Variants in KIF21A observed in about 807,000 individuals in gnomAD.
KIF21A encodes kinesin-like protein KIF21A.
KIF21A carries 114 observed loss-of-function variants against 202.9 expected under a neutral mutation model. That is an observed-to-expected ratio of 0.56 (90% CI 0.48 to 0.66). The LOEUF (loss-of-function observed/expected upper bound fraction) is 0.66, where lower values mean the gene tolerates loss of function less well. Among genes scored for constraint, KIF21A ranks in the 30% least tolerant of loss-of-function variants. KIF21A has a pLI of 0.00. For missense variants in KIF21A, 1,677 were observed against 1,994.9 expected, an observed-to-expected ratio of 0.84 and a Z score of 3.04; for synonymous variants, 667 against 670.8, an observed-to-expected ratio of 0.99 and a Z score of 0.09.
intron 24 of KIF21A, among the ~76,000 whole-genome samples, chr12:39,326,758 A>C (rs1945969552): frequency 1.3e-5 from 2 of 152,362 alleles, no homozygotes; most frequent in East Asian, 3.9e-4. Flanking sequence ...GTTATACTTT[A>C]TCAGTTATGC....
intron 1 of KIF21A, among the ~76,000 whole-genome samples, chr12:39,431,000 C>T (rs1466178206): frequency 6.6e-6 from 1 of 152,116 alleles, no homozygotes; most frequent in East Asian, 1.9e-4. Flanking sequence ...CTGTATAAGT[C>T]GTCCCTGTTG....
At position 39,367,321 on chromosome 12, in the gene KIF21A, G is replaced by T. The variant is rs1949669312; in HGVS notation, c.601-157C>A. The stretch of plus-strand genomic sequence containing the variant: ...TCAGTTACAGGCACTTTTTGAGATG[G>T]ACTTCTCAGTATAATAGTGTATTAT... On this transcript the variant is annotated intron_variant, in intron 4 of 37. Transcript: ENST00000361418. 6 of 727,282 alleles carry T rather than the reference G, an allele frequency of 8.2e-6. No homozygotes were observed. In the Admixed American group the frequency reaches 1.3e-4, roughly 16 times the overall value. 45.1% of individuals were successfully genotyped at this position (727,282 alleles called of 1,614,324 possible).
rs75643981 is a variant in KIF21A at position 39,423,132 on chromosome 12, A to G, written c.44+19795T>C. Among the ~76,000 whole-genome samples, 1,288 of 152,312 alleles carry G rather than the reference A, an allele frequency of 8.5e-3. 12 individuals are homozygous for G. The highest frequency in any genetic ancestry group is 0.021 in the African/African-American group (865 of 41,570). On this transcript the variant is annotated intron_variant, in intron 1 of 37. Transcript: ENST00000361418. Reference sequence around the variant, plus strand: ...AATGTATTAAAATGAACTATTTTTTATTAGAACACTCATCTATACCCTCAA... The same window carrying G: ...AATGTATTAAAATGAACTATTTTTTGTTAGAACACTCATCTATACCCTCAA...
chr12:39,375,321 G>A (rs1950204830), intron 1 of KIF21A, among the ~76,000 whole-genome samples: 1 of 152,116 alleles, frequency 6.6e-6, no homozygotes, highest in Non-Finnish European at 1.5e-5. Flanking sequence ...TTATACATTA[G>A]TTCTGTCACA....
intron 17 of KIF21A, 93 bp downstream of exon 17, chr12:39,337,003 A>C (rs1947034035): frequency 1.3e-6 from 1 of 765,964 alleles, no homozygotes; most frequent in Non-Finnish European, 2.3e-6. Flanking sequence ...TGCAATTAGT[A>C]GTTATGGTTA....
At chr12:39,340,845 G>C (rs1262014172) in intron 15 of KIF21A, 61 bp downstream of exon 15, 4 of 1,217,292 alleles carry the variant, frequency 3.3e-6, no homozygotes, top group Non-Finnish European at 4.8e-6. Flanking sequence ...TAAAGGAAAA[G>C]ATAAAAACCC....
intron 1 of KIF21A, among the ~76,000 whole-genome samples, chr12:39,388,030 G>A (rs1448846139): frequency 2.0e-5 from 3 of 152,202 alleles, no homozygotes; most frequent in South Asian, 2.1e-4. Context: ...CAGTTCTTTC[G>A]AAGAAAAGAG....
At chr12:39,390,174 A>C (rs1481991292) in intron 1 of KIF21A, among the ~76,000 whole-genome samples, 2 of 152,204 alleles carry the variant, frequency 1.3e-5, no homozygotes, top group African/African-American at 2.4e-5. Context: ...AAGACTATGG[A>C]AACTATTCAA....
chr12:39,301,827 G>C (rs1434470207), intron 36 of KIF21A, 148 bp from the exon 37 acceptor site: 1 of 707,868 alleles, frequency 1.4e-6, no homozygotes, highest in Non-Finnish European at 2.4e-6. Flanking sequence ...ATCACTCTTA[G>C]TGATTTAAAG....
intron 1 of KIF21A, among the ~76,000 whole-genome samples, chr12:39,429,818 G>C (rs139139450): frequency 4.5e-4 from 68 of 152,192 alleles, no homozygotes; most frequent in African/African-American, 1.6e-3. Context: ...CAGGTAGATG[G>C]AGAGGGAAAG....
intron 1 of KIF21A, among the ~76,000 whole-genome samples, chr12:39,383,709 G>A (rs961271659): frequency 6.6e-6 from 1 of 152,148 alleles, no homozygotes; most frequent in Non-Finnish European, 1.5e-5. Context: ...TGAAGTGAGA[G>A]GATCGCTTGA....
At chr12:39,349,895 CAAATTATATAGGTGTCAGTTTTACA>C (rs1170029821) in intron 11 of KIF21A, among the ~76,000 whole-genome samples, 2 of 151,886 alleles carry the variant, frequency 1.3e-5, no homozygotes, top group East Asian at 1.9e-4. Context: ...TTTAGATTCA[CAAATTATATAGGTGTCAGTTTTACA>C]AAATTATATA....
chr12:39,367,909 T>C lies in KIF21A; in HGVS notation c.574A>G (p.Thr192Ala). 4 of 1,609,800 alleles carry C rather than the reference T, an allele frequency of 2.5e-6. No individual in the cohort carries two copies. The highest frequency in any genetic ancestry group is 3.4e-6 in the Non-Finnish European group (4 of 1,176,396). Residue 192 changes from threonine (T) to alanine (A), a missense_variant, in exon 4 of 38, where the codon ACA (threonine) becomes GCA (alanine). Around this residue, in one of 3 missense-constraint regions of KIF21A, gnomAD observed 966 missense variants for 1,180.9 expected, o/e 0.82. Transcript: ENST00000361418. ...TGGIYTVGVT[T>A]RTVNTESEMM... ...TCTGATTCTGTATTCACAGTACGTG[T>C]TGTAACGCCCACAGTATAAATTCCT...
chr12:39,370,849 A>G (rs868393287), intron 1 of KIF21A, among the ~76,000 whole-genome samples: 1 of 152,030 alleles, frequency 6.6e-6, no homozygotes, highest in African/African-American at 2.4e-5. Context: ...ATGTCCTACT[A>G]TATTGATTTG....
At chr12:39,395,133 G>A (rs1238826353) in intron 1 of KIF21A, among the ~76,000 whole-genome samples, 4 of 151,918 alleles carry the variant, frequency 2.6e-5, no homozygotes, top group African/African-American at 7.3e-5. Flanking sequence ...CCATTTCCCC[G>A]TCCACTACCA....
chr12:39,341,750 T>C, intron 13 of KIF21A, 128 bp from the exon 14 acceptor site: 1 of 1,050,014 alleles, frequency 9.5e-7, no homozygotes, highest in Non-Finnish European at 1.4e-6. Context: ...AGTATAAAAA[T>C]GTTAAGGTTA....
intron 1 of KIF21A, among the ~76,000 whole-genome samples, chr12:39,398,220 T>C (rs538939542): frequency 2.0e-4 from 31 of 152,346 alleles, no homozygotes; most frequent in Admixed American, 1.5e-3. Flanking sequence ...GGCCATTGAA[T>C]CTTGGTTTCA....
At chr12:39,374,596 A>C (rs1950151647) in intron 1 of KIF21A, among the ~76,000 whole-genome samples, 1 of 152,186 alleles carries the variant, frequency 6.6e-6, no homozygotes, top group African/African-American at 2.4e-5. Context: ...AATATATCTT[A>C]TTCATTCCTA....
At chr12:39,408,665 T>C (rs767210126) in intron 1 of KIF21A, among the ~76,000 whole-genome samples, 2 of 152,092 alleles carry the variant, frequency 1.3e-5, no homozygotes, top group Non-Finnish European at 2.9e-5. Flanking sequence ...AACAGATCAA[T>C]AGAAAATATC....
Sources: allele counts gnomAD v4.1 joint callset (sites outside exome capture counted in the v4.1 genomes callset), GRCh38; gene constraint gnomAD v4.1.1; regional missense constraint gnomAD v4.1.1; transcripts MANE v1.5; gene names NCBI Gene and HGNC (gene_info 2026-07-23, HGNC 2026-07-21).